UGT1A9: variants seen among roughly 807,000 people sequenced by gnomAD.
The protein encoded by UGT1A9 is UDP glucuronosyltransferase family 1 member A9.
In UGT1A9, 35 loss-of-function variants were observed where a neutral mutation model predicts 45.0. That is an observed-to-expected ratio of 0.78 (90% CI 0.59 to 1.03). The LOEUF (loss-of-function observed/expected upper bound fraction) is 1.03, where lower values mean the gene tolerates loss of function less well. Ranked by LOEUF, UGT1A9 falls within the 50% of genes least tolerant of loss-of-function variation. The probability of loss-of-function intolerance (pLI) is 0.00; values close to 1 mark genes in which losing one functional copy is unlikely to be tolerated. For synonymous variants in UGT1A9, 278 were observed against 250.6 expected (o/e 1.11, Z -1.03); for missense variants, 687 against 666.6 (o/e 1.03, Z -0.34).
At chr2:233,726,859 C>T (rs1181297447) in intron 1 of UGT1A9, among the ~76,000 whole-genome samples, 2 of 152,200 alleles carry the variant, frequency 1.3e-5, no homozygotes, top group Non-Finnish European at 2.9e-5. Flanking sequence ...TCTCCATAGT[C>T]TTCTATTCTC....
intron 1 of UGT1A9, among the ~76,000 whole-genome samples, chr2:233,683,688 G>A (rs139130236): frequency 6.1e-4 from 93 of 151,852 alleles, no homozygotes; most frequent in Middle Eastern, 3.4e-3. Flanking sequence ...TTATTCCTCT[G>A]CATTTCATTA....
chr2:233,737,494 C>G (rs1180844627), intron 1 of UGT1A9, among the ~76,000 whole-genome samples: 1 of 152,208 alleles, frequency 6.6e-6, no homozygotes, highest in Admixed American at 6.5e-5. Context: ...AGGGAAATCC[C>G]TCACCCTCTT....
intron 1 of UGT1A9, chr2:233,755,333 G>C (rs878855763): frequency 6.6e-6 from 3 of 455,150 alleles, no homozygotes; most frequent in South Asian, 1.9e-5. Context: ...CAGCACCCGC[G>C]CACAGGTCAG....
At chr2:233,680,468 G>A (rs2125517975) in intron 1 of UGT1A9, among the ~76,000 whole-genome samples, 1 of 152,314 alleles carries the variant, frequency 6.6e-6, no homozygotes, top group East Asian at 1.9e-4. Flanking sequence ...TCTAGTACCA[G>A]TTAGGGTGTC....
At chr2:233,715,494 CA>C (rs1394271986) in intron 1 of UGT1A9, among the ~76,000 whole-genome samples, 9 of 152,174 alleles carry the variant, frequency 5.9e-5, no homozygotes, top group African/African-American at 2.2e-4. Context: ...GATTTGTGTG[CA>C]AGTGGGTAGC....
intron 1 of UGT1A9, among the ~76,000 whole-genome samples, chr2:233,707,670 C>T (rs374059443): frequency 6.6e-6 from 1 of 151,694 alleles, no homozygotes; most frequent in East Asian, 1.9e-4. Flanking sequence ...TTTATCCATT[C>T]TACTGTTGAT....
At chr2:233,747,074 A>T (rs1478196307) in intron 1 of UGT1A9, 1 of 1,039,396 alleles carries the variant, frequency 9.6e-7, no homozygotes, top group Non-Finnish European at 1.3e-6. Flanking sequence ...GGTAATAATT[A>T]ACTAGGAGGA....
chr2:233,748,845 C>A (rs936990961), intron 1 of UGT1A9, among the ~76,000 whole-genome samples: 1 of 151,120 alleles, frequency 6.6e-6, no homozygotes, highest in South Asian at 2.1e-4. Context: ...AAACTGTGAG[C>A]GTATAAGCCC....
intron 1 of UGT1A9, chr2:233,708,654 G>A: frequency 6.6e-6 from 1 of 152,194 alleles, no homozygotes; most frequent in Non-Finnish European, 1.5e-5. Flanking sequence ...GGAAGGCTGA[G>A]GTGGGAGGAT....
intron 1 of UGT1A9, among the ~76,000 whole-genome samples, chr2:233,694,218 C>G (rs933253375): frequency 6.6e-6 from 1 of 152,134 alleles, no homozygotes; most frequent in Non-Finnish European, 1.5e-5. Flanking sequence ...TTTCCCAACT[C>G]TGTCCCATGC....
intron 1 of UGT1A9, chr2:233,729,232 A>G: frequency 6.2e-7 from 1 of 1,614,202 alleles, no homozygotes. Flanking sequence ...GGTGGTGCCC[A>G]TTGATGGCAG....
chr2:233,740,135 G>C (rs1178370483), intron 1 of UGT1A9, among the ~76,000 whole-genome samples: 1 of 151,806 alleles, frequency 6.6e-6, no homozygotes, highest in African/African-American at 2.4e-5. Context: ...TGTCATGATT[G>C]TAAGTTTCCT....
intron 1 of UGT1A9, among the ~76,000 whole-genome samples, chr2:233,734,301 T>TATATACGTATAAATACG (rs2078508917): frequency 6.6e-6 from 1 of 152,170 alleles, no homozygotes; most frequent in Non-Finnish European, 1.5e-5. Context: ...GATTTTCTAG[T>TATATACGTATAAATACG]TTATTTGTGT....
chr2:233,681,868 G>A lies in UGT1A9; in HGVS notation c.855+9079G>A, dbSNP rs1575427580. On this transcript the variant is annotated intron_variant, in intron 1 of 4. Coordinates refer to ENST00000354728, the MANE Select transcript of UGT1A9 (RefSeq NM_021027.3). The stretch of plus-strand genomic sequence containing the variant: ...CTTCTTTTGAGGGCAGGTTCTATCT[G>A]TACTTCTTCCACTTACTATATTATA... 1.2e-5 allele frequency: 19 copies of A among 1,538,684 alleles called. No homozygotes were observed. In the East Asian group the frequency reaches 4.3e-4, roughly 35 times the overall value.
chr2:233,689,135 C>T (rs2074928364), intron 1 of UGT1A9, among the ~76,000 whole-genome samples: 1 of 152,204 alleles, frequency 6.6e-6, no homozygotes, highest in South Asian at 2.1e-4. Flanking sequence ...TTGTTACAAG[C>T]CCCTGAAGGA....
chr2:233,734,728 G>A (rs893989156), intron 1 of UGT1A9, among the ~76,000 whole-genome samples: 13 of 150,534 alleles, frequency 8.6e-5, no homozygotes, highest in African/African-American at 3.2e-4. Flanking sequence ...TGTTCTCGTC[G>A]GTTTCAAAGA....
chr2:233,674,819 G>A (rs1305912278), intron 1 of UGT1A9, among the ~76,000 whole-genome samples: 1 of 152,158 alleles, frequency 6.6e-6, no homozygotes, highest in African/African-American at 2.4e-5. Context: ...AGGCTTTCCG[G>A]CAAAGAGCCT....
intron 1 of UGT1A9, among the ~76,000 whole-genome samples, chr2:233,721,322 G>C (rs1265391747): frequency 6.6e-6 from 1 of 152,066 alleles, no homozygotes; most frequent in Non-Finnish European, 1.5e-5. Context: ...CTCTTTTCTT[G>C]TGGTTTTTCA....
intron 1 of UGT1A9, chr2:233,690,638 C>T: frequency 7.8e-7 from 1 of 1,287,780 alleles, no homozygotes; most frequent in Admixed American, 2.3e-5. Context: ...TACCTGAGGA[C>T]ACCTTGACTC....
Sources: allele counts gnomAD v4.1 joint callset (sites outside exome capture counted in the v4.1 genomes callset), GRCh38; gene constraint gnomAD v4.1.1; transcripts MANE v1.5; gene names NCBI Gene and HGNC (gene_info 2026-07-23, HGNC 2026-07-21).